FMNL2: variants seen among roughly 807,000 people sequenced by gnomAD.
FMNL2 encodes formin-like protein 2.
FMNL2 carries 51 observed loss-of-function variants against 130.2 expected under a neutral mutation model. That is an observed-to-expected ratio of 0.39 (90% CI 0.31 to 0.49). The LOEUF is 0.49. Ranked by LOEUF, FMNL2 falls within the 20% of genes least tolerant of loss-of-function variation. The probability of loss-of-function intolerance (pLI) is 0.85; values close to 1 mark genes in which losing one functional copy is unlikely to be tolerated. For synonymous variants in FMNL2, 465 were observed against 467.1 expected, an observed-to-expected ratio of 1.00 and a Z score of 0.06; for missense variants, 977 against 1,316.2, an observed-to-expected ratio of 0.74 and a Z score of 3.99.
intron 1 of FMNL2, among the ~76,000 whole-genome samples, chr2:152,479,673 A>C (rs1690366701): frequency 8.4e-6 from 1 of 118,980 alleles, no homozygotes; most frequent in Middle Eastern, 4.3e-3. Context: ...TGGCTTTAAA[A>C]TATATATAAC....
intron 1 of FMNL2, among the ~76,000 whole-genome samples, chr2:152,378,602 C>G (rs1376776317): frequency 1.3e-5 from 2 of 152,064 alleles, no homozygotes; most frequent in East Asian, 1.9e-4. Context: ...TTCCAAATCC[C>G]CTTCTTGCTT....
At chr2:152,369,314 G>C (rs1326619765) in intron 1 of FMNL2, among the ~76,000 whole-genome samples, 2 of 152,190 alleles carry the variant, frequency 1.3e-5, no homozygotes, top group Non-Finnish European at 2.9e-5. Flanking sequence ...TACCTTGCTG[G>C]GTTGTAATTT....
At chr2:152,500,026 G>A (rs2105318937) in intron 1 of FMNL2, among the ~76,000 whole-genome samples, 1 of 152,156 alleles carries the variant, frequency 6.6e-6, no homozygotes, top group South Asian at 2.1e-4. Context: ...ATAGAGCATT[G>A]ACCCCTGAAG....
intron 1 of FMNL2, among the ~76,000 whole-genome samples, chr2:152,401,921 T>TG (rs1685716064): frequency 6.8e-6 from 1 of 148,134 alleles, no homozygotes; most frequent in Non-Finnish European, 1.5e-5. Flanking sequence ...TTTTTTTTTT[T>TG]TTGAGACGGA....
chr2:152,539,209 C>G (rs1220408120), intron 2 of FMNL2: 1 of 152,130 alleles, frequency 6.6e-6, no homozygotes, highest in Non-Finnish European at 1.5e-5. Context: ...AAAGGCACCT[C>G]CAAAGTCTTG....
At chr2:152,434,041 T>C (rs1687623450) in intron 1 of FMNL2, among the ~76,000 whole-genome samples, 4 of 152,246 alleles carry the variant, frequency 2.6e-5, no homozygotes, top group African/African-American at 9.6e-5. Context: ...AGGACATTTA[T>C]GAGGGGAAAG....
At chr2:152,614,428 G>A (rs1243454052) in intron 11 of FMNL2, among the ~76,000 whole-genome samples, 1 of 152,180 alleles carries the variant, frequency 6.6e-6, no homozygotes, top group Non-Finnish European at 1.5e-5. Flanking sequence ...CTTGGAAAGG[G>A]CTGGACTATT....
chr2:152,595,594 C>T (rs1697719699), intron 9 of FMNL2, among the ~76,000 whole-genome samples: 1 of 152,196 alleles, frequency 6.6e-6, no homozygotes, highest in Admixed American at 6.5e-5. Flanking sequence ...GCTAAGATTA[C>T]AGGCATGAGC....
intron 1 of FMNL2, among the ~76,000 whole-genome samples, chr2:152,382,344 A>G (rs16831021): frequency 0.12 from 17,580 of 152,190 alleles, 1,140 homozygotes; most frequent in Middle Eastern, 0.29. Flanking sequence ...AGGAAAGCGC[A>G]TGTGTCTTTG....
intron 1 of FMNL2, among the ~76,000 whole-genome samples, chr2:152,456,689 A>G (rs906128476): frequency 1.3e-5 from 2 of 152,118 alleles, no homozygotes; most frequent in South Asian, 4.1e-4. Context: ...CACGCCTGTA[A>G]TCCCAGCACT....
intron 1 of FMNL2, among the ~76,000 whole-genome samples, chr2:152,348,833 T>A (rs1209798689): frequency 9.1e-6 from 1 of 110,440 alleles, no homozygotes; most frequent in Non-Finnish European, 1.9e-5. Flanking sequence ...TTTTTTTTTT[T>A]TTTTTTTTTT....
intron 1 of FMNL2, among the ~76,000 whole-genome samples, chr2:152,390,955 CAG>C (rs1410644473): frequency 6.6e-6 from 1 of 152,176 alleles, no homozygotes; most frequent in East Asian, 1.9e-4. Flanking sequence ...TTATAAGAGA[CAG>C]AGGCAGATAG....
At chr2:152,515,169 A>G (rs1692696637) in intron 1 of FMNL2, among the ~76,000 whole-genome samples, 2 of 152,152 alleles carry the variant, frequency 1.3e-5, no homozygotes, top group Admixed American at 6.5e-5. Context: ...TCCAGGCTCA[A>G]TGCATAGTAT....
intron 1 of FMNL2, among the ~76,000 whole-genome samples, chr2:152,415,699 A>G (rs895301974): frequency 3.3e-5 from 5 of 152,212 alleles, no homozygotes; most frequent in Non-Finnish European, 7.3e-5. Flanking sequence ...TTTGTTCCAA[A>G]TAAGCCAGTT....
chr2:152,510,932 G>A (rs546549570), intron 1 of FMNL2, among the ~76,000 whole-genome samples: 7 of 152,336 alleles, frequency 4.6e-5, no homozygotes, highest in Admixed American at 1.3e-4. Context: ...TGTTTGGATA[G>A]GGCAGAACTT....
At chr2:152,539,853 C>T (rs1464050173) in intron 2 of FMNL2, among the ~76,000 whole-genome samples, 1 of 152,124 alleles carries the variant, frequency 6.6e-6, no homozygotes, top group Non-Finnish European at 1.5e-5. Context: ...TGTGCTACTC[C>T]ACCAAATTTT....
At chr2:152,533,546 CT>C (rs35382323) in intron 2 of FMNL2, among the ~76,000 whole-genome samples, 7,222 of 115,030 alleles carry the variant, frequency 0.063, 155 homozygotes, top group East Asian at 0.18. Context: ...AATTCTCCAA[CT>C]TTTTTTTTTT....
At chr2:152,379,903 C>T (rs577141734) in intron 1 of FMNL2, among the ~76,000 whole-genome samples, 2 of 152,274 alleles carry the variant, frequency 1.3e-5, no homozygotes, top group Non-Finnish European at 2.9e-5. Context: ...GTAGTGAAAG[C>T]TATAGAAAGC....
intron 9 of FMNL2, among the ~76,000 whole-genome samples, chr2:152,588,447 A>T (rs1697206853): frequency 6.6e-6 from 1 of 152,010 alleles, no homozygotes; most frequent in Admixed American, 6.6e-5. Flanking sequence ...TAATTTGATC[A>T]TACCTTTGCA....
Sources: allele counts gnomAD v4.1 joint callset (sites outside exome capture counted in the v4.1 genomes callset), GRCh38; gene constraint gnomAD v4.1.1; transcripts MANE v1.5; gene names NCBI Gene and HGNC (gene_info 2026-07-23, HGNC 2026-07-21).